Variants in USP12 observed in about 807,000 individuals in gnomAD.
The protein encoded by USP12 is ubiquitin specific peptidase 12.
A neutral mutation model predicts 45.5 loss-of-function variants in USP12; 19 were observed. The ratio of observed to expected loss-of-function variants is 0.42; its 90% CI spans 0.29 to 0.61. The LOEUF (loss-of-function observed/expected upper bound fraction) is 0.61, where lower values mean the gene tolerates loss of function less well. Among genes scored for constraint, USP12 ranks in the 20% least tolerant of loss-of-function variants. USP12 has a pLI of 0.22. For missense variants in USP12, 242 were observed against 447.7 expected (o/e 0.54, Z 4.15); for synonymous variants, 149 against 148.8 (o/e 1.00, Z -0.01).
At chr13:27,134,566 C>G (rs1264802052) in intron 1 of USP12, among the ~76,000 whole-genome samples, 1 of 152,058 alleles carries the variant, frequency 6.6e-6, no homozygotes, top group Non-Finnish European at 1.5e-5. Flanking sequence ...AAAATATACT[C>G]TCTCAATTAC....
intron 6 of USP12, among the ~76,000 whole-genome samples, chr13:27,076,100 G>T (rs765677514): frequency 6.6e-6 from 1 of 151,148 alleles, no homozygotes; most frequent in African/African-American, 2.4e-5. Flanking sequence ...TTTGGACTTG[G>T]GTAGACTGAA....
At chr13:27,102,793 G>T (rs1874934109) in intron 3 of USP12, among the ~76,000 whole-genome samples, 1 of 152,102 alleles carries the variant, frequency 6.6e-6, no homozygotes, top group Non-Finnish European at 1.5e-5. Context: ...TTCCCCACGA[G>T]GGTGTCAGGT....
At chr13:27,079,049 A>C (rs1873627306) in intron 6 of USP12, among the ~76,000 whole-genome samples, 1 of 152,106 alleles carries the variant, frequency 6.6e-6, no homozygotes, top group Non-Finnish European at 1.5e-5. Flanking sequence ...CACATTTCCA[A>C]ATAAGCCATA....
intron 1 of USP12, among the ~76,000 whole-genome samples, chr13:27,155,973 TAAAA>T (rs533155805): frequency 6.6e-6 from 1 of 151,998 alleles, no homozygotes; most frequent in African/African-American, 2.4e-5. Context: ...AAATATTTCT[TAAAA>T]AAAACCTATA....
At chr13:27,134,483 A>C (rs1565999440) in intron 1 of USP12, among the ~76,000 whole-genome samples, 4 of 152,208 alleles carry the variant, frequency 2.6e-5, no homozygotes, top group Admixed American at 6.5e-5. Flanking sequence ...ATAAAAGGTA[A>C]GCTGTCTCCC....
intron 2 of USP12, among the ~76,000 whole-genome samples, chr13:27,111,835 C>A (rs1455897163): frequency 6.6e-6 from 1 of 152,042 alleles, no homozygotes; most frequent in Non-Finnish European, 1.5e-5. Flanking sequence ...TTTGTAAAGG[C>A]TTTAGATTTT....
At chr13:27,171,230 G>A (rs959522177) in intron 1 of USP12, among the ~76,000 whole-genome samples, 36 of 150,146 alleles carry the variant, frequency 2.4e-4, no homozygotes, top group South Asian at 1.9e-3. Context: ...CCCCGGCACA[G>A]GCCGGGCGCG....
intron 3 of USP12, among the ~76,000 whole-genome samples, chr13:27,100,100 G>A (rs1033962345): frequency 2.6e-5 from 4 of 152,110 alleles, no homozygotes; most frequent in South Asian, 2.1e-4. Context: ...CCATCCCTCC[G>A]AGGCCGGGCC....
intron 3 of USP12, among the ~76,000 whole-genome samples, chr13:27,097,984 C>CT (rs71083630): frequency 4.2e-4 from 49 of 116,610 alleles, no homozygotes; most frequent in African/African-American, 1.4e-3. Context: ...TTATATAGTA[C>CT]TTTTTTTTTT....
At chr13:27,081,057 AG>A in intron 6 of USP12, among the ~76,000 whole-genome samples, 1 of 128,522 alleles carries the variant, frequency 7.8e-6, no homozygotes, top group Non-Finnish European at 1.6e-5. Context: ...TCTGTCGCCC[AG>A]GCTGGAGTGC....
At chr13:27,074,714 T>C (rs754540321) in intron 7 of USP12, among the ~76,000 whole-genome samples, 15 of 152,120 alleles carry the variant, frequency 9.9e-5, no homozygotes, top group Non-Finnish European at 1.5e-5. Flanking sequence ...GAAAAGAAGA[T>C]GAGAAGAAGA....
chr13:27,144,875 T>C (rs898338694), intron 1 of USP12, among the ~76,000 whole-genome samples: 3 of 149,204 alleles, frequency 2.0e-5, no homozygotes, highest in South Asian at 2.1e-4. Flanking sequence ...GCCCGGGTAA[T>C]AGGGCCAAAT....
chr13:27,122,564 T>G (rs968303353), intron 1 of USP12, among the ~76,000 whole-genome samples: 11 of 151,810 alleles, frequency 7.2e-5, no homozygotes, highest in African/African-American at 2.7e-4. Context: ...AGATGCAAGG[T>G]TCACATGAGC....
At chr13:27,086,187 A>ATATATATAT (rs1289444305) in intron 6 of USP12, among the ~76,000 whole-genome samples, 779 of 72,456 alleles carry the variant, frequency 0.011, 19 homozygotes, top group Non-Finnish European at 0.018. Context: ...AAAAAAAAAA[A>ATATATATAT]AAAAAAAAAA....
chr13:27,087,761 ATGAC>A (rs1874128197), intron 6 of USP12, among the ~76,000 whole-genome samples: 1 of 152,220 alleles, frequency 6.6e-6, no homozygotes, highest in African/African-American at 2.4e-5. Context: ...ATACTGGAGA[ATGAC>A]TGGGCACATC....
chr13:27,148,691 T>A (rs886483107), intron 1 of USP12, among the ~76,000 whole-genome samples: 2 of 138,272 alleles, frequency 1.4e-5, no homozygotes, highest in African/African-American at 5.2e-5. Context: ...TATATATATA[T>A]AATATAAATA....
intron 1 of USP12, among the ~76,000 whole-genome samples, chr13:27,157,506 T>C (rs1877894488): frequency 6.6e-6 from 1 of 152,176 alleles, no homozygotes; most frequent in African/African-American, 2.4e-5. Context: ...ACAAATGTGA[T>C]TTTTAACAAC....
chr13:27,077,189 T>C (rs1315071788), intron 6 of USP12: 1 of 152,170 alleles, frequency 6.6e-6, no homozygotes. Context: ...TATAAAATTA[T>C]ACATAAAATA....
intron 1 of USP12, among the ~76,000 whole-genome samples, chr13:27,161,803 G>C (rs1474467457): frequency 6.6e-6 from 1 of 151,928 alleles, no homozygotes; most frequent in Non-Finnish European, 1.5e-5. Context: ...GATAGCTTGA[G>C]CCCGGGGGGC....
Sources: gnomAD v4.1 joint callset for allele counts (sites outside exome capture counted in the v4.1 genomes callset) on GRCh38, gnomAD v4.1.1 for gene constraint, MANE v1.5 for transcripts, NCBI Gene and HGNC (gene_info 2026-07-23, HGNC 2026-07-21) for gene names.